DLGAP2: variants seen among roughly 807,000 people sequenced by gnomAD.
DLGAP2 encodes disks large-associated protein 2.
DLGAP2 carries 26 observed loss-of-function variants against 100.3 expected under a neutral mutation model. The observed-to-expected ratio is 0.26, with a 90% CI of 0.19 to 0.36. The LOEUF is 0.36. DLGAP2 is among the 10% of genes least tolerant of loss of function. The pLI, the probability that DLGAP2 is intolerant of heterozygous loss-of-function variation, is 1.00. For synonymous variants in DLGAP2, 886 were observed against 630.1 expected, an observed-to-expected ratio of 1.41 and a Z score of -6.08; for missense variants, 1,858 against 1,453.2, an observed-to-expected ratio of 1.28 and a Z score of -4.53.
chr8:1,010,290 G>A (rs1409781933), intron 2 of DLGAP2, among the ~76,000 whole-genome samples: 1 of 137,818 alleles, frequency 7.3e-6, no homozygotes, highest in Non-Finnish European at 1.6e-5. Context: ...ACATATGTGT[G>A]TACACTCAGA....
intron 1 of DLGAP2, among the ~76,000 whole-genome samples, chr8:803,403 T>C (rs62488849): frequency 6.2e-4 from 95 of 152,164 alleles, no homozygotes; most frequent in Admixed American, 1.5e-3. Context: ...TACCTCTGCA[T>C]GTATTGTCTT....
At chr8:1,604,753 G>A (rs1366577155) in intron 6 of DLGAP2, 2 of 152,044 alleles carry the variant, frequency 1.3e-5, no homozygotes, top group Admixed American at 6.6e-5. Flanking sequence ...GCCTTTAAAT[G>A]TAAAGTGACA....
chr8:1,162,453 A>G (rs559435707), intron 2 of DLGAP2, among the ~76,000 whole-genome samples: 6 of 152,332 alleles, frequency 3.9e-5, no homozygotes, highest in African/African-American at 1.4e-4. Flanking sequence ...CTACTCGTGG[A>G]AGAGAAATAT....
At chr8:903,418 C>G (rs1798303174) in intron 1 of DLGAP2, among the ~76,000 whole-genome samples, 2 of 152,110 alleles carry the variant, frequency 1.3e-5, no homozygotes, top group Non-Finnish European at 2.9e-5. Flanking sequence ...AATACATGTG[C>G]AAGGCCGTGT....
intron 1 of DLGAP2, among the ~76,000 whole-genome samples, chr8:869,118 G>A (rs756033887): frequency 6.6e-6 from 1 of 152,102 alleles, no homozygotes; most frequent in Non-Finnish European, 1.5e-5. Flanking sequence ...TCGAGACCCT[G>A]CTTCACGCCT....
At chr8:883,445 A>T (rs544466553) in intron 1 of DLGAP2, 1 of 151,824 alleles carries the variant, frequency 6.6e-6, no homozygotes, top group South Asian at 2.1e-4. Flanking sequence ...ATCCTTTTTA[A>T]AAAAAAATAC....
chr8:1,684,595 C>T (rs927555050), intron 12 of DLGAP2, among the ~76,000 whole-genome samples: 2 of 152,064 alleles, frequency 1.3e-5, no homozygotes, highest in Non-Finnish European at 2.9e-5. Context: ...TAGATTCAGT[C>T]AGTCTTCTAT....
At chr8:948,645 G>T (rs2129007096) in intron 2 of DLGAP2, among the ~76,000 whole-genome samples, 1 of 152,360 alleles carries the variant, frequency 6.6e-6, no homozygotes, top group African/African-American at 2.4e-5. Flanking sequence ...TCAGAGCCAG[G>T]CCGGGGTTGC....
intron 1 of DLGAP2, among the ~76,000 whole-genome samples, chr8:863,107 C>A (rs1196011408): frequency 1.3e-5 from 2 of 152,120 alleles, no homozygotes; most frequent in Admixed American, 1.3e-4. Flanking sequence ...GGTGTGAATC[C>A]TGTGAGGTTT....
At chr8:1,310,521 C>T (rs1800589552) in intron 3 of DLGAP2, among the ~76,000 whole-genome samples, 1 of 152,188 alleles carries the variant, frequency 6.6e-6, no homozygotes, top group African/African-American at 2.4e-5. Flanking sequence ...AAGCATCCAC[C>T]TGACAACAGT....
intron 4 of DLGAP2, among the ~76,000 whole-genome samples, chr8:1,532,113 T>C (rs1563204681): frequency 6.6e-6 from 1 of 152,248 alleles, no homozygotes; most frequent in Non-Finnish European, 1.5e-5. Flanking sequence ...CATATGCATC[T>C]GTCTCAGTGA....
chr8:834,392 A>G (rs367864948), intron 1 of DLGAP2, among the ~76,000 whole-genome samples: 1 of 152,366 alleles, frequency 6.6e-6, no homozygotes, highest in South Asian at 2.1e-4. Context: ...CATGAAGTTC[A>G]TAATAGGCTC....
chr8:1,029,602 C>G (rs563913143), intron 2 of DLGAP2, among the ~76,000 whole-genome samples: 1 of 130,982 alleles, frequency 7.6e-6, no homozygotes, highest in Admixed American at 8.3e-5. Flanking sequence ...GTGGTGCCAA[C>G]AGGTTCTGGC....
chr8:1,420,552 A>G (rs1289668931), intron 3 of DLGAP2, among the ~76,000 whole-genome samples: 2 of 152,174 alleles, frequency 1.3e-5, no homozygotes, highest in African/African-American at 2.4e-5. Context: ...TAAGCTATCC[A>G]CAGTATACCT....
At chr8:1,410,831 CAT>C (rs1796709831) in intron 3 of DLGAP2, among the ~76,000 whole-genome samples, 1 of 133,736 alleles carries the variant, frequency 7.5e-6, no homozygotes, top group Admixed American at 7.9e-5. Context: ...ACTCTGGAGC[CAT>C]TTTTTTTTTT....
At chr8:1,064,176 G>T (rs559510376) in intron 2 of DLGAP2, among the ~76,000 whole-genome samples, 1 of 152,150 alleles carries the variant, frequency 6.6e-6, no homozygotes, top group African/African-American at 2.4e-5. Flanking sequence ...TTTAATTCTT[G>T]CTCCCAATTT....
intron 4 of DLGAP2, among the ~76,000 whole-genome samples, chr8:1,528,907 C>A (rs1800887057): frequency 6.6e-6 from 1 of 152,198 alleles, no homozygotes; most frequent in African/African-American, 2.4e-5. Flanking sequence ...ACAGTAAAAG[C>A]CTTTCTGCAA....
At chr8:1,355,854 T>G (rs1471339006) in intron 3 of DLGAP2, among the ~76,000 whole-genome samples, 1 of 152,124 alleles carries the variant, frequency 6.6e-6, no homozygotes, top group Non-Finnish European at 1.5e-5. Context: ...GCTAGTCCCC[T>G]TCACTCCTAC....
chr8:1,534,789 TGAGTGTAA>T (rs1413708346), intron 4 of DLGAP2, among the ~76,000 whole-genome samples: 3 of 112,304 alleles, frequency 2.7e-5, no homozygotes, highest in African/African-American at 5.8e-5. Context: ...TGTACGTGTG[TGAGTGTAA>T]GTGTGTGTGC....
Sources: allele counts gnomAD v4.1 joint callset (sites outside exome capture counted in the v4.1 genomes callset), GRCh38; gene constraint gnomAD v4.1.1; transcripts MANE v1.5; gene names NCBI Gene and HGNC (gene_info 2026-07-23, HGNC 2026-07-21).